Variants in TSHZ3 observed in about 807,000 individuals in gnomAD.
TSHZ3 encodes teashirt zinc finger homeobox 3, also known as teashirt homolog 3.
A neutral mutation model predicts 64.5 loss-of-function variants in TSHZ3; 10 were observed. The ratio of observed to expected loss-of-function variants is 0.16; its 90% CI spans 0.10 to 0.26. The LOEUF is 0.26. TSHZ3 is among the 10% of genes least tolerant of loss of function. TSHZ3 has a pLI of 1.00. For synonymous variants in TSHZ3, 608 were observed against 593.1 expected (o/e 1.03, Z -0.36); for missense variants, 1,242 against 1,421.7 (o/e 0.87, Z 2.03).
chr19:31,194,257 C>T (rs1164727605), intron 5 of TSHZ3, among the ~76,000 whole-genome samples: 1 of 152,152 alleles, frequency 6.6e-6, no homozygotes, highest in Non-Finnish European at 1.5e-5. Context: ...TGGAGCTGGA[C>T]CAGGTTCCCA....
intron 1 of TSHZ3, among the ~76,000 whole-genome samples, chr19:31,251,602 C>A (rs1012746666): frequency 2.0e-5 from 3 of 152,200 alleles, no homozygotes; most frequent in African/African-American, 7.2e-5. Context: ...TAGCCCCACC[C>A]TCTCCCCACG....
intron 1 of TSHZ3, among the ~76,000 whole-genome samples, chr19:31,288,283 A>G (rs1976501650): frequency 6.6e-6 from 1 of 152,150 alleles, no homozygotes; most frequent in South Asian, 2.1e-4. Context: ...CTTTCCTCAG[A>G]GCCAGAATCA....
intron 1 of TSHZ3, among the ~76,000 whole-genome samples, chr19:31,312,013 T>C (rs1916472240): frequency 1.3e-5 from 2 of 152,194 alleles, no homozygotes; most frequent in African/African-American, 4.8e-5. Flanking sequence ...TGTGAGCCAC[T>C]GCACCCGGCC....
intron 1 of TSHZ3, among the ~76,000 whole-genome samples, chr19:31,308,013 G>C (rs1463540618): frequency 6.6e-6 from 1 of 152,234 alleles, no homozygotes; most frequent in Non-Finnish European, 1.5e-5. Flanking sequence ...TGATAATGCA[G>C]TGTCTGTCAT....
chr19:31,185,943 T>C (rs766169234), intron 5 of TSHZ3, among the ~76,000 whole-genome samples: 7 of 152,208 alleles, frequency 4.6e-5, no homozygotes, highest in Non-Finnish European at 1.0e-4. Flanking sequence ...AACTCTTTTG[T>C]ATCTGGCTTC....
At chr19:31,341,499 C>T (rs1463709393) in intron 1 of TSHZ3, among the ~76,000 whole-genome samples, 1 of 152,072 alleles carries the variant, frequency 6.6e-6, no homozygotes, top group Admixed American at 6.6e-5. Flanking sequence ...GTAGCCCCCA[C>T]CCCCATGAAA....
At chr19:31,264,217 G>A (rs1198052031) in intron 1 of TSHZ3, among the ~76,000 whole-genome samples, 1 of 152,176 alleles carries the variant, frequency 6.6e-6, no homozygotes, top group South Asian at 2.1e-4. Flanking sequence ...CCTGTGCACA[G>A]GGAAGCCACC....
chr19:31,177,202 T>C (rs903383875), intron 5 of TSHZ3, among the ~76,000 whole-genome samples: 1 of 152,226 alleles, frequency 6.6e-6, no homozygotes, highest in African/African-American at 2.4e-5. Context: ...CAATGGACCA[T>C]GGCGCCTTCA....
At chr19:31,186,062 T>A (rs1198386744) in intron 5 of TSHZ3, among the ~76,000 whole-genome samples, 2 of 152,222 alleles carry the variant, frequency 1.3e-5, no homozygotes, top group Non-Finnish European at 2.9e-5. Flanking sequence ...AATCTTTTCA[T>A]CTGTTCTTTT....
At chr19:31,217,256 G>C (rs904184162) in intron 4 of TSHZ3, among the ~76,000 whole-genome samples, 1 of 152,170 alleles carries the variant, frequency 6.6e-6, no homozygotes, top group Non-Finnish European at 1.5e-5. Flanking sequence ...TGGAACTTGT[G>C]TGCAAACCTT....
At chr19:31,301,910 G>A (rs1176050204) in intron 1 of TSHZ3, among the ~76,000 whole-genome samples, 5 of 152,012 alleles carry the variant, frequency 3.3e-5, no homozygotes, top group Non-Finnish European at 7.4e-5. Context: ...CCAGATACAC[G>A]TCTGATGAAG....
chr19:31,213,946 T>C (rs1217440328), intron 4 of TSHZ3, among the ~76,000 whole-genome samples: 1 of 152,196 alleles, frequency 6.6e-6, no homozygotes, highest in Non-Finnish European at 1.5e-5. Context: ...TTAGGGGGAT[T>C]TTATTTTTTA....
chr19:31,190,262 C>G lies in TSHZ3; in HGVS notation n.809+14694G>C, dbSNP rs970495502. 2.0e-5 allele frequency among the ~76,000 whole-genome samples: 3 copies of G among 152,114 alleles called. No individual in the cohort carries two copies. In the South Asian group the frequency reaches 6.2e-4, roughly 32 times the overall value. On this transcript the variant is annotated intron_variant and non_coding_transcript_variant, in intron 5 of 6. Transcript: ENST00000651361. ...TGGAGTTTTTGGCAGAATTCTAAGA[C>G]AGGCATGCACATGGTATCACTTTAC...
At chr19:31,172,599 C>A (rs1216690342) in intron 5 of TSHZ3, among the ~76,000 whole-genome samples, 2 of 152,172 alleles carry the variant, frequency 1.3e-5, no homozygotes, top group Non-Finnish European at 2.9e-5. Context: ...TATACTTTAA[C>A]GTTCTAGTGG....
At chr19:31,349,529 C>G (rs2021640380), upstream of TSHZ3, 1 of 325,760 alleles carries the variant, frequency 3.1e-6, no homozygotes, top group Middle Eastern at 8.3e-4. Context: ...GAGGACCGCG[C>G]TGCCGGCGGA....
In TSHZ3 at chr19:31,349,110, C is replaced by A. The variant is rs546965695; in HGVS notation, c.40+70G>T. 4.4e-5 allele frequency: 67 copies of A among 1,509,562 alleles called. No homozygotes were observed. The African/African-American group carries it at 9.0e-4, about 20-fold the overall frequency. The allele number at this position is 1,509,562 out of a possible 1,614,324, so 93.5% of individuals were successfully genotyped here. ...GAGCGGGGCGAGGAGCGGGGTCGCG[C>A]CCGCTGGAGGCGCGGGGCGAGCGGA... is the stretch of plus-strand genomic sequence containing the variant. On this transcript the variant is annotated intron_variant, in intron 1 of 1. Coordinates refer to ENST00000240587, the MANE Select transcript of TSHZ3 (RefSeq NM_020856.4).
exon 4 of TSHZ3, among the ~76,000 whole-genome samples, chr19:31,228,054 T>C (rs1975492352): frequency 6.6e-6 from 1 of 152,136 alleles, no homozygotes; most frequent in Admixed American, 6.5e-5. Flanking sequence ...CCATTCTCAC[T>C]CCTAACATTC....
intron 5 of TSHZ3, among the ~76,000 whole-genome samples, chr19:31,165,015 G>C (rs762390842): frequency 1.3e-5 from 2 of 152,206 alleles, no homozygotes; most frequent in Non-Finnish European, 2.9e-5. Flanking sequence ...AGCCCGTCCC[G>C]GGGATGATGC....
At chr19:31,168,840 T>C (rs908717979) in intron 5 of TSHZ3, among the ~76,000 whole-genome samples, 1 of 152,198 alleles carries the variant, frequency 6.6e-6, no homozygotes, top group Non-Finnish European at 1.5e-5. Context: ...TGTGGCCTGC[T>C]GCATACTTGG....
Sources: allele counts gnomAD v4.1 joint callset (sites outside exome capture counted in the v4.1 genomes callset), GRCh38; gene constraint gnomAD v4.1.1; transcripts MANE v1.5; gene names NCBI Gene and HGNC (gene_info 2026-07-23, HGNC 2026-07-21).